NCK2: variants seen among roughly 807,000 people sequenced by gnomAD.
NCK2 encodes cytoplasmic protein NCK2.
NCK2 carries 16 observed loss-of-function variants against 33.9 expected under a neutral mutation model. That is an observed-to-expected ratio of 0.47 (90% CI 0.32 to 0.72). NCK2 has a LOEUF of 0.72. Among genes scored for constraint, NCK2 ranks in the 30% least tolerant of loss-of-function variants. The pLI is 0.03. For synonymous variants in NCK2, 273 were observed against 239.9 expected (o/e 1.14, Z -1.27); for missense variants, 418 against 537.3 (o/e 0.78, Z 2.19).
chr2:105,782,614 T>G (rs538764451), intron 1 of NCK2, among the ~76,000 whole-genome samples: 1 of 152,328 alleles, frequency 6.6e-6, no homozygotes, highest in Admixed American at 6.5e-5. Flanking sequence ...GTTAGAGCAG[T>G]TTTGTTTTCA....
At chr2:105,775,758 C>T (rs1573578182) in intron 1 of NCK2, among the ~76,000 whole-genome samples, 1 of 152,142 alleles carries the variant, frequency 6.6e-6, no homozygotes, top group Admixed American at 6.5e-5. Context: ...CCACACCTCC[C>T]GGTGTGGTGA....
At position 105,892,990 on chromosome 2, in the gene NCK2, C is replaced by A. The variant is rs773455664; in HGVS notation, c.957C>A (p.Asp319Glu). Residue 319 changes from aspartate to glutamate, a missense_variant, in exon 5 of 5, where the codon GAC becomes GAA. Physicochemically the swap from Asp to Glu is conservative, Grantham distance 45. Transcript: ENST00000233154. ...LIRDSESSPS[D>E]FSVSLKASGK... ...TTCTGTTTCCTCCCCAGCCCAGCGA[C>A]TTCTCCGTGTCCCTTAAAGCGTCAG... The A allele has an allele frequency of 6.2e-7, 1 of 1,606,544 alleles. No individual in the cohort carries two copies.
chr2:105,772,894 C>CAT lies in NCK2; in HGVS notation c.-201+27757_-201+27758dup, dbSNP rs1454038033. ...CCTCCCACATCATCCCACGTGTCCA[C>CAT]ATTTTTTTTTTTTTTTTGAGATGGT... On this transcript the variant is annotated intron_variant, in intron 1 of 4. Coordinates refer to ENST00000233154, the MANE Select transcript of NCK2 (RefSeq NM_003581.5). Among the ~76,000 whole-genome samples, 5 of 62,216 alleles carry CAT rather than the reference C, an allele frequency of 8.0e-5. 1 individual carries two copies. In the Admixed American group the frequency reaches 1.2e-3, roughly 15 times the overall value. 40.8% of individuals were successfully genotyped at this position (62,216 alleles called of 152,430 possible).
In NCK2 at chr2:105,873,752, T is replaced by G. The variant is rs140170047; in HGVS notation, c.227-7576T>G. On this transcript the variant is annotated intron_variant, in intron 3 of 4. Transcript: ENST00000233154. The stretch of plus-strand genomic sequence containing the variant: ...GAAAACGAAAAGTTGGCTCAGATGA[T>G]TGGGAAGTACGATTGGATCCAGGGG... 1.6e-4 allele frequency among the ~76,000 whole-genome samples: 25 copies of G among 152,284 alleles called. No individual in the cohort carries two copies. The East Asian group carries it at 4.8e-3, about 29-fold the overall frequency.
intron 2 of NCK2, chr2:105,846,816 C>G (rs1287536541): frequency 6.6e-6 from 1 of 152,178 alleles, no homozygotes; most frequent in Non-Finnish European, 1.5e-5. Flanking sequence ...AATTTCACTT[C>G]TAGGTATACA....
intron 1 of NCK2, among the ~76,000 whole-genome samples, chr2:105,759,771 T>A (rs1689709573): frequency 6.6e-6 from 1 of 152,212 alleles, no homozygotes; most frequent in South Asian, 2.1e-4. Context: ...TTTCTTAGAC[T>A]CGCCTTGTTT....
chr2:105,846,350 T>G (rs976906095), intron 2 of NCK2, among the ~76,000 whole-genome samples: 5 of 152,164 alleles, frequency 3.3e-5, no homozygotes, highest in African/African-American at 1.2e-4. Context: ...AGAGAGTAAA[T>G]GAGTTGCTCA....
rs376766738 is a variant in NCK2 at position 105,761,613 on chromosome 2, CA to C, written c.-201+16476del. On this transcript the variant is annotated intron_variant, in intron 1 of 4. Transcript: ENST00000233154. ...CCAGGCAGAGTGGCTCATAGTGGCT[CA>C]TGCCTGTAATCCCAGCACTTTGGGA... is the stretch of plus-strand genomic sequence containing the variant. Among the ~76,000 whole-genome samples, 34 of 152,314 alleles carry C rather than the reference CA, an allele frequency of 2.2e-4. No individual in the cohort carries two copies. In the East Asian group the frequency reaches 6.4e-3, roughly 29 times the overall value.
chr2:105,819,020 G>T (rs1268360653), intron 2 of NCK2, among the ~76,000 whole-genome samples: 1 of 152,160 alleles, frequency 6.6e-6, no homozygotes, highest in African/African-American at 2.4e-5. Flanking sequence ...GTCGTGTTAC[G>T]CTTTATGTTA....
rs139254828 is a variant in NCK2 at position 105,822,654 on chromosome 2, A to C, written c.-17+6041A>C. ...ACCCTAGCAGTGTGGCTTCCTAGAAAGCTGAAGAAACAAAAACAAAAAAGC... is the reference window on the plus strand; with the variant it reads ...ACCCTAGCAGTGTGGCTTCCTAGAACGCTGAAGAAACAAAAACAAAAAAGC... On this transcript the variant is annotated intron_variant, in intron 2 of 4. Transcript: ENST00000233154. Among the ~76,000 whole-genome samples the C allele has an allele frequency of 3.8e-3, 577 of 152,130 alleles. 8 individuals are homozygous for C. Among genetic ancestry groups the C allele is most frequent in the Non-Finnish European group, 2.1e-3 (141 of 68,032 alleles).
intron 1 of NCK2, among the ~76,000 whole-genome samples, chr2:105,758,911 A>G (rs62154117): frequency 1.8e-4 from 28 of 152,240 alleles, no homozygotes; most frequent in Non-Finnish European, 2.1e-4. Context: ...GCTAGCATTC[A>G]AAACTAGTAA....
At chr2:105,883,146 G>A (rs1425608779) in intron 4 of NCK2, among the ~76,000 whole-genome samples, 2 of 152,142 alleles carry the variant, frequency 1.3e-5, no homozygotes, top group African/African-American at 4.8e-5. Flanking sequence ...GTGCTTGGAC[G>A]GGAATGCCAG....
intron 1 of NCK2, among the ~76,000 whole-genome samples, chr2:105,745,523 G>A (rs1017297105): frequency 6.6e-6 from 1 of 152,116 alleles, no homozygotes; most frequent in African/African-American, 2.4e-5. Flanking sequence ...CCGGCACGGA[G>A]CTCGGGGCTA....
chr2:105,804,269 C>T lies in NCK2; in HGVS notation c.-200-12161C>T, dbSNP rs148949240. 1.3e-4 allele frequency among the ~76,000 whole-genome samples: 20 copies of T among 152,288 alleles called. No homozygotes were observed. In the East Asian group the frequency reaches 1.9e-3, roughly 15 times the overall value. On this transcript the variant is annotated intron_variant, in intron 1 of 4. Transcript: ENST00000233154. ...TCATTTCAAAATGTGTGTAAATGAA[C>T]GGACCAGCGCTTTTCTTTGATGTTT...
chr2:105,792,002 T>G lies in NCK2; in HGVS notation c.-200-24428T>G, dbSNP rs113468666. ...AGAGCCTTAATGGGTTAGCGGTTGA[T>G]TCTGAAAAGCAAGCTGTTGATTGTG... On this transcript the variant is annotated intron_variant, in intron 1 of 4. Transcript: ENST00000233154. 8.7e-3 allele frequency among the ~76,000 whole-genome samples: 1,318 copies of G among 152,306 alleles called. 13 individuals are homozygous for G. Among genetic ancestry groups the G allele is most frequent in the Middle Eastern group, 0.02 (6 of 294 alleles).
chr2:105,769,075 A>AC (rs1164453206), intron 1 of NCK2, among the ~76,000 whole-genome samples: 4 of 151,850 alleles, frequency 2.6e-5, no homozygotes, highest in African/African-American at 2.4e-5. Context: ...ATCTAGGGGC[A>AC]CCCCCCAACC....
intron 1 of NCK2, among the ~76,000 whole-genome samples, chr2:105,755,990 A>T (rs1171803800): frequency 2.0e-5 from 3 of 152,254 alleles, no homozygotes; most frequent in African/African-American, 7.2e-5. Context: ...GGAAAAGGAA[A>T]GGGGAAATTC....
intron 1 of NCK2, among the ~76,000 whole-genome samples, chr2:105,806,339 G>A (rs540812276): frequency 2.2e-4 from 33 of 149,872 alleles, no homozygotes; most frequent in Non-Finnish European, 3.4e-4. Flanking sequence ...CCGGGTTCAC[G>A]CCATTCTCCT....
At chr2:105,803,158 A>G (rs539892314) in intron 1 of NCK2, among the ~76,000 whole-genome samples, 2 of 152,098 alleles carry the variant, frequency 1.3e-5, no homozygotes, top group African/African-American at 4.8e-5. Context: ...CTGTATCACA[A>G]ATTAGTTTTT....
Sources: gnomAD v4.1 joint callset for allele counts (sites outside exome capture counted in the v4.1 genomes callset) on GRCh38, gnomAD v4.1.1 for gene constraint, MANE v1.5 for transcripts, NCBI Gene and HGNC (gene_info 2026-07-23, HGNC 2026-07-21) for gene names.